COX7B2: variants seen among roughly 807,000 people sequenced by gnomAD.
The protein encoded by COX7B2 is cytochrome c oxidase subunit 7B2, mitochondrial.
For missense variants in COX7B2, 109 were observed against 95.9 expected (o/e 1.14, Z -0.57); for synonymous variants, 37 against 32.1 (o/e 1.15, Z -0.51).
At chr4:46,905,685 C>T (rs1310415138) in intron 1 of COX7B2, among the ~76,000 whole-genome samples, 1 of 152,082 alleles carries the variant, frequency 6.6e-6, no homozygotes, top group Non-Finnish European at 1.5e-5. Flanking sequence ...AATTTTCCCT[C>T]TACAATATGT....
intron 2 of COX7B2, among the ~76,000 whole-genome samples, chr4:46,791,262 G>T (rs1262351055): frequency 6.6e-6 from 1 of 151,820 alleles, no homozygotes; most frequent in African/African-American, 2.4e-5. Flanking sequence ...TCCCGCCTTG[G>T]CCTCCCAAAG....
intron 1 of COX7B2, among the ~76,000 whole-genome samples, chr4:46,884,747 T>C (rs184335472): frequency 3.0e-4 from 45 of 152,374 alleles, no homozygotes; most frequent in Admixed American, 1.2e-3. Flanking sequence ...TTTTTGAATG[T>C]TGTCCTTGTC....
intron 1 of COX7B2, among the ~76,000 whole-genome samples, chr4:46,891,386 C>T (rs957708594): frequency 2.6e-5 from 4 of 151,980 alleles, no homozygotes; most frequent in Admixed American, 6.6e-5. Flanking sequence ...GACAGAGCCT[C>T]GGGACTTCAA....
rs949906556 is a variant in COX7B2 at position 46,895,503 on chromosome 4, G to C, written c.-105+13657C>G. On this transcript the variant is annotated intron_variant, in intron 1 of 2. Transcript: ENST00000355591. Reference sequence around the variant, plus strand: ...GGACCTACTTGAGGGTGGAGAGTAAGAGGAAGAAGAAGAACAGAAAAAAAA... The same window carrying C: ...GGACCTACTTGAGGGTGGAGAGTAACAGGAAGAAGAAGAACAGAAAAAAAA... 3.3e-5 allele frequency among the ~76,000 whole-genome samples: 5 copies of C among 152,188 alleles called. No individual in the cohort carries two copies. In the South Asian group the frequency reaches 8.3e-4, roughly 25 times the overall value.
intron 2 of COX7B2, among the ~76,000 whole-genome samples, chr4:46,794,460 A>G (rs570530196): frequency 1.1e-3 from 165 of 152,284 alleles, no homozygotes; most frequent in Admixed American, 2.1e-3. Context: ...CTGTTAGAGT[A>G]CAGTCATTTA....
intron 1 of COX7B2, among the ~76,000 whole-genome samples, chr4:46,855,746 A>C (rs1268256165): frequency 6.6e-6 from 1 of 152,178 alleles, no homozygotes; most frequent in African/African-American, 2.4e-5. Flanking sequence ...CTCAAGTAGC[A>C]TGTGGGTTTC....
intron 2 of COX7B2, among the ~76,000 whole-genome samples, chr4:46,829,402 A>G (rs1714917191): frequency 6.6e-6 from 1 of 152,272 alleles, no homozygotes; most frequent in South Asian, 2.1e-4. Flanking sequence ...TTTTGGAAAA[A>G]TTGCTGATAA....
chr4:46,867,153 A>G (rs1204379199), intron 1 of COX7B2, among the ~76,000 whole-genome samples: 2 of 152,220 alleles, frequency 1.3e-5, no homozygotes, highest in Admixed American at 1.3e-4. Context: ...GACCCAGGAA[A>G]CAGATATACT....
Position 46,742,482 on chromosome 4 carries a change from C to T in COX7B2, c.-49-7241G>A, listed in dbSNP as rs150646278. 4.2e-3 allele frequency among the ~76,000 whole-genome samples: 638 copies of T among 152,240 alleles called. 3 individuals are homozygous for T. The highest frequency in any genetic ancestry group is 0.015 in the African/African-American group (604 of 41,548). On this transcript the variant is annotated intron_variant, in intron 2 of 2. Transcript: ENST00000355591. ...TTTCACAATATATTCAAGTTTTCAGCCATTTCATAACAGGAAATATGGGAA... is the reference window on the plus strand; with the variant it reads ...TTTCACAATATATTCAAGTTTTCAGTCATTTCATAACAGGAAATATGGGAA...
chr4:46,909,067 A>G (rs1720590700), intron 1 of COX7B2, 93 bp downstream of exon 1: 1 of 152,210 alleles, frequency 6.6e-6, no homozygotes, highest in African/African-American at 2.4e-5. Context: ...AAATTTCAAA[A>G]TATTTCCTGA....
chr4:46,770,774 T>A (rs1716831761), intron 2 of COX7B2, among the ~76,000 whole-genome samples: 1 of 152,100 alleles, frequency 6.6e-6, no homozygotes, highest in Non-Finnish European at 1.5e-5. Context: ...GTTTTCCATA[T>A]CCAAGAATAT....
chr4:46,873,175 G>A (rs1718105859), intron 1 of COX7B2, among the ~76,000 whole-genome samples: 1 of 152,116 alleles, frequency 6.6e-6, no homozygotes, highest in East Asian at 1.9e-4. Context: ...CAGCTGCATA[G>A]TATTCTATGG....
At chr4:46,819,525 G>A (rs1383426605) in intron 2 of COX7B2, among the ~76,000 whole-genome samples, 6 of 138,386 alleles carry the variant, frequency 4.3e-5, no homozygotes, top group African/African-American at 1.1e-4. Context: ...TAAAACTAAC[G>A]ATAGCTGATG....
chr4:46,867,414 G>A (rs181778102), intron 1 of COX7B2, among the ~76,000 whole-genome samples: 46 of 152,300 alleles, frequency 3.0e-4, no homozygotes, highest in Admixed American at 9.2e-4. Context: ...TGGTGTCAAA[G>A]GCTGTCTCTA....
intron 2 of COX7B2, among the ~76,000 whole-genome samples, chr4:46,736,914 T>C (rs1560341501): frequency 6.6e-6 from 1 of 152,222 alleles, no homozygotes; most frequent in Non-Finnish European, 1.5e-5. Flanking sequence ...CTGCTGTTGC[T>C]ATAAACATCT....
chr4:46,829,403 T>C (rs996144185), intron 2 of COX7B2, among the ~76,000 whole-genome samples: 2 of 152,238 alleles, frequency 1.3e-5, no homozygotes, highest in Admixed American at 6.5e-5. Context: ...TTTGGAAAAA[T>C]TGCTGATAAG....
At chr4:46,820,565 C>T (rs887488905) in intron 2 of COX7B2, among the ~76,000 whole-genome samples, 5 of 152,154 alleles carry the variant, frequency 3.3e-5, no homozygotes, top group African/African-American at 7.2e-5. Flanking sequence ...CAGTGGCTAA[C>T]GCCTGTAATC....
chr4:46,854,994 C>T (rs1429085800), intron 1 of COX7B2, among the ~76,000 whole-genome samples: 2 of 151,892 alleles, frequency 1.3e-5, no homozygotes, highest in African/African-American at 2.4e-5. Context: ...TAATGTTGTA[C>T]TTTGTCATAG....
chr4:46,867,812 G>T (rs897186873), intron 1 of COX7B2, among the ~76,000 whole-genome samples: 1 of 152,182 alleles, frequency 6.6e-6, no homozygotes, highest in African/African-American at 2.4e-5. Context: ...TGTTCATCAA[G>T]AATATTGGCC....
Sources: allele counts gnomAD v4.1 joint callset (sites outside exome capture counted in the v4.1 genomes callset), GRCh38; gene constraint gnomAD v4.1.1; transcripts MANE v1.5; gene names NCBI Gene and HGNC (gene_info 2026-07-23, HGNC 2026-07-21).